SGCD: variants seen among roughly 807,000 people sequenced by gnomAD.
SGCD encodes the protein delta-sarcoglycan.
In SGCD, 18 loss-of-function variants were observed where a neutral mutation model predicts 36.6. The observed-to-expected ratio is 0.49, with a 90% CI of 0.34 to 0.73. The LOEUF (loss-of-function observed/expected upper bound fraction) is 0.73, where lower values mean the gene tolerates loss of function less well. SGCD is among the 30% of genes least tolerant of loss of function. The pLI is 0.01. For synonymous variants in SGCD, 133 were observed against 130.6 expected (o/e 1.02, Z -0.12); for missense variants, 387 against 346.7 (o/e 1.12, Z -0.92).
intron 4 of SGCD, among the ~76,000 whole-genome samples, chr5:156,539,055 C>G (rs1381388492): frequency 6.6e-6 from 1 of 151,822 alleles, no homozygotes; most frequent in Non-Finnish European, 1.5e-5. Context: ...ACAGAAGGTG[C>G]CCTGGGGTCC....
At chr5:155,787,193 T>C in the SGCD span, among the ~76,000 whole-genome samples, 1 of 152,128 alleles carries the variant, frequency 6.6e-6, no homozygotes, top group Non-Finnish European at 1.5e-5. Context: ...GACATTTTAC[T>C]CACCATGATT....
intron 3 of SGCD, among the ~76,000 whole-genome samples, chr5:156,409,719 T>C (rs1772641893): frequency 6.6e-6 from 1 of 152,232 alleles, no homozygotes; most frequent in Admixed American, 6.5e-5. Flanking sequence ...TAAAAGTTAA[T>C]GTGAAGATTA....
chr5:155,944,766 A>C (rs1264363817), intron 1 of SGCD, among the ~76,000 whole-genome samples: 6 of 152,160 alleles, frequency 3.9e-5, no homozygotes. Context: ...GATTGCACTG[A>C]ATTTGTTTCC....
chr5:156,529,089 T>C (rs891814093), intron 4 of SGCD, among the ~76,000 whole-genome samples: 2 of 152,062 alleles, frequency 1.3e-5, no homozygotes, highest in African/African-American at 4.8e-5. Flanking sequence ...CCGTAGTAAC[T>C]GCTGAGTACA....
At position 156,005,792 on chromosome 5, in the gene SGCD, G is replaced by A. The variant is rs529974729; in HGVS notation, c.-281-112086G>A. On this transcript the variant is annotated intron_variant, in intron 1 of 9. Transcript: ENST00000517913. ...GTCAAGCGTTGTTTTTAACCATGCG[G>A]GCAGCCTTTTCATGCTCACTCAGTC... Among the ~76,000 whole-genome samples, 5 of 152,234 alleles carry A rather than the reference G, an allele frequency of 3.3e-5. No individual in the cohort carries two copies. In the South Asian group the frequency reaches 1.0e-3, roughly 32 times the overall value.
chr5:156,124,683 CTG>C (rs2127603776), intron 3 of SGCD, among the ~76,000 whole-genome samples: 3 of 151,986 alleles, frequency 2.0e-5, no homozygotes, highest in Admixed American at 2.0e-4. Context: ...AATGGTATCT[CTG>C]TGCGTGTGTA....
intron 3 of SGCD, among the ~76,000 whole-genome samples, chr5:156,240,322 A>C (rs747353929): frequency 3.9e-5 from 6 of 152,176 alleles, no homozygotes; most frequent in Non-Finnish European, 8.8e-5. Context: ...GAATAGAATA[A>C]GCTGTTTTCT....
chr5:155,990,463 A>G (rs892926365), intron 1 of SGCD, among the ~76,000 whole-genome samples: 4 of 152,124 alleles, frequency 2.6e-5, no homozygotes, highest in Admixed American at 1.3e-4. Flanking sequence ...CTTATATGAT[A>G]TTTTTGTAGA....
chr5:156,222,899 G>A (rs1764752903), intron 3 of SGCD, among the ~76,000 whole-genome samples: 1 of 151,996 alleles, frequency 6.6e-6, no homozygotes, highest in Non-Finnish European at 1.5e-5. Context: ...AAACCTTCCT[G>A]TCAAAAATGT....
the SGCD span, among the ~76,000 whole-genome samples, chr5:155,749,410 A>C: frequency 6.6e-6 from 1 of 152,208 alleles, no homozygotes; most frequent in Non-Finnish European, 1.5e-5. Flanking sequence ...CTGGCATATG[A>C]TTATACAGTT....
At chr5:155,901,038 C>T (rs1258487439) in intron 1 of SGCD, among the ~76,000 whole-genome samples, 3 of 152,066 alleles carry the variant, frequency 2.0e-5, no homozygotes, top group African/African-American at 4.8e-5. Context: ...ATAGGCCAGT[C>T]GTGGTGGCTC....
Position 156,711,225 on chromosome 5 carries a change from G to T in SGCD, c.576-46356G>T, listed in dbSNP as rs578170604. ...GGGGGGTCCATTCAGTTCTTTGGGG[G>T]GCTTAGAATTTTATTTTTGGTTTGC... On this transcript the variant is annotated intron_variant, in intron 7 of 8. Transcript: ENST00000337851. 5.3e-5 allele frequency among the ~76,000 whole-genome samples: 8 copies of T among 152,060 alleles called. No homozygotes were observed. The East Asian group carries it at 1.5e-3, about 29-fold the overall frequency.
chr5:156,103,287 A>G (rs748948682), intron 1 of SGCD, among the ~76,000 whole-genome samples: 3 of 152,160 alleles, frequency 2.0e-5, no homozygotes, highest in Non-Finnish European at 4.4e-5. Flanking sequence ...ATGGGGTGCC[A>G]TGCCCAGTCC....
chr5:156,344,097 T>C (rs2127715994), intron 2 of SGCD, among the ~76,000 whole-genome samples: 1 of 152,320 alleles, frequency 6.6e-6, no homozygotes, highest in East Asian at 1.9e-4. Context: ...ATTACTAAGG[T>C]GAACTGCTGG....
At chr5:156,285,251 A>G (rs1766562385) in intron 3 of SGCD, among the ~76,000 whole-genome samples, 1 of 152,210 alleles carries the variant, frequency 6.6e-6, no homozygotes, top group African/African-American at 2.4e-5. Context: ...ATACTGCCCA[A>G]GGGAATTTAT....
intron 3 of SGCD, among the ~76,000 whole-genome samples, chr5:156,486,793 A>G (rs988566669): frequency 5.3e-5 from 8 of 151,992 alleles, no homozygotes; most frequent in Non-Finnish European, 1.0e-4. Context: ...TGGCCTGCCC[A>G]GCCTGCAACT....
chr5:156,586,323 T>C (rs1760492261), intron 4 of SGCD, among the ~76,000 whole-genome samples: 1 of 152,334 alleles, frequency 6.6e-6, no homozygotes, highest in East Asian at 1.9e-4. Context: ...CAAAGTGCCA[T>C]TGTCTTTTTA....
At chr5:155,911,236 T>A (rs1756622938) in intron 1 of SGCD, among the ~76,000 whole-genome samples, 1 of 152,008 alleles carries the variant, frequency 6.6e-6, no homozygotes, top group Non-Finnish European at 1.5e-5. Context: ...TGGCTTCATT[T>A]CTACACTTTA....
intron 3 of SGCD, among the ~76,000 whole-genome samples, chr5:156,488,237 G>A (rs1755790213): frequency 2.0e-5 from 3 of 151,112 alleles, no homozygotes; most frequent in Admixed American, 2.0e-4. Context: ...CTGGACAATG[G>A]CATAGAAATC....
Sources: gnomAD v4.1 joint callset for allele counts (sites outside exome capture counted in the v4.1 genomes callset) on GRCh38, gnomAD v4.1.1 for gene constraint, MANE v1.5 for transcripts, NCBI Gene and HGNC (gene_info 2026-07-23, HGNC 2026-07-21) for gene names.